Variants in NHEJ1 observed in about 807,000 individuals in gnomAD.
NHEJ1 encodes non-homologous end joining factor 1, also known as non-homologous end-joining factor 1.
NHEJ1 carries 22 observed loss-of-function variants against 39.4 expected under a neutral mutation model. The ratio of observed to expected loss-of-function variants is 0.56; its 90% CI spans 0.40 to 0.80. NHEJ1 has a LOEUF of 0.80. Among genes scored for constraint, NHEJ1 ranks in the 30% least tolerant of loss-of-function variants. The probability of loss-of-function intolerance (pLI) is 0.00; values close to 1 mark genes in which losing one functional copy is unlikely to be tolerated. For synonymous variants in NHEJ1, 154 were observed against 135.6 expected (o/e 1.14, Z -0.94); for missense variants, 329 against 357.1 (o/e 0.92, Z 0.63).
At chr2:219,127,920 C>A (rs765550012) in intron 5 of NHEJ1, among the ~76,000 whole-genome samples, 4 of 152,178 alleles carry the variant, frequency 2.6e-5, no homozygotes, top group Non-Finnish European at 4.4e-5. Flanking sequence ...AACCTTTAGT[C>A]CAATCTTCTA....
At chr2:219,101,277 G>C (rs1474531625) in intron 5 of NHEJ1, among the ~76,000 whole-genome samples, 1 of 152,078 alleles carries the variant, frequency 6.6e-6, no homozygotes, top group South Asian at 2.1e-4. Flanking sequence ...ACCACATCTA[G>C]CTAATTTTTG....
intron 4 of NHEJ1, among the ~76,000 whole-genome samples, 155 bp downstream of exon 4, chr2:219,147,502 G>A (rs1055680083): frequency 4.6e-5 from 7 of 152,128 alleles, no homozygotes; most frequent in African/African-American, 1.7e-4. Context: ...AAACAAAAAA[G>A]AGTCACCTAA....
rs191086282 is a variant in NHEJ1 at position 219,073,817 on chromosome 2, G to T, written c.*2564C>A. Among the ~76,000 whole-genome samples, 482 of 152,340 alleles carry T rather than the reference G, an allele frequency of 3.2e-3. 12 individuals are homozygous for T. The highest frequency in any genetic ancestry group is 0.026 in the Admixed American group (393 of 15,310). ...TGGGCCACTGCTTTATTAAACACAG[G>T]GAAAACTAATATTTACGGAATAAAA... On this transcript the variant is annotated 3_prime_UTR_variant, in exon 8 of 8. Coordinates refer to ENST00000356853, the MANE Select transcript of NHEJ1 (RefSeq NM_024782.3).
chr2:219,080,231 G>A (rs189829292), intron 5 of NHEJ1, among the ~76,000 whole-genome samples: 6 of 152,176 alleles, frequency 3.9e-5, no homozygotes, highest in East Asian at 1.9e-4. Context: ...TAGAATTGTC[G>A]AATACTTAAT....
At chr2:219,091,761 G>A (rs1949161786) in intron 5 of NHEJ1, among the ~76,000 whole-genome samples, 2 of 152,168 alleles carry the variant, frequency 1.3e-5, no homozygotes. Flanking sequence ...TCAAAGGATT[G>A]TTGAAAAAGC....
rs577845327 is a variant in NHEJ1 at position 219,075,029 on chromosome 2, G to A, written c.*1352C>T. On this transcript the variant is annotated 3_prime_UTR_variant, in exon 8 of 8. Transcript: ENST00000356853. ...CTATTGAAAAGAGGCAAGGTCATGG[G>A]ATAAGGAGGTTTACAGTGGGAGACT... Among the ~76,000 whole-genome samples the A allele has an allele frequency of 6.6e-6, 1 of 152,324 alleles. No individual in the cohort carries two copies. Among genetic ancestry groups the A allele is most frequent in the East Asian group, 1.9e-4 (1 of 5,182 alleles).
chr2:219,109,065 ATC>A (rs1251332316), intron 5 of NHEJ1, among the ~76,000 whole-genome samples: 1 of 152,228 alleles, frequency 6.6e-6, no homozygotes, highest in South Asian at 2.1e-4. Context: ...AGAGTGAGAT[ATC>A]TCTTTCTTTT....
At chr2:219,077,934 TACTGCAAAAGAGAAA>T in intron 6 of NHEJ1, 140 bp downstream of exon 6, 1 of 660,644 alleles carries the variant, frequency 1.5e-6, no homozygotes, top group Non-Finnish European at 2.7e-6. Flanking sequence ...GAAATGTGGC[TACTGCAAAAGAGAAA>T]ATGCATTTTT....
At chr2:219,084,392 C>T (rs955021773) in intron 5 of NHEJ1, among the ~76,000 whole-genome samples, 5 of 152,270 alleles carry the variant, frequency 3.3e-5, no homozygotes, top group East Asian at 1.9e-4. Flanking sequence ...TCTTCACTGG[C>T]GTCCCAAAGC....
intron 5 of NHEJ1, among the ~76,000 whole-genome samples, chr2:219,142,214 G>T (rs1033899700): frequency 2.4e-5 from 1 of 42,264 alleles, no homozygotes; most frequent in African/African-American, 4.3e-5. Context: ...CTGCAGGGAA[G>T]AGAAGAGAAG....
chr2:219,129,659 T>C (rs1414710783), intron 5 of NHEJ1, among the ~76,000 whole-genome samples: 1 of 152,196 alleles, frequency 6.6e-6, no homozygotes, highest in African/African-American at 2.4e-5. Context: ...GGAAACAGAA[T>C]AAGCAAAATA....
rs1949012925 is a variant in NHEJ1 at position 219,076,305 on chromosome 2, C to T, written c.*76G>A. On this transcript the variant is annotated 3_prime_UTR_variant, in exon 8 of 8. Transcript: ENST00000356853. ...TATCACTATTTTAGAAATATTGCTGCCATGTAAGCTTCTTTCAAGGTGAAG... is the reference window on the plus strand; with the variant it reads ...TATCACTATTTTAGAAATATTGCTGTCATGTAAGCTTCTTTCAAGGTGAAG... The T allele has an allele frequency of 6.2e-7, 1 of 1,613,344 alleles. No homozygotes were observed. Among genetic ancestry groups the T allele is most frequent in the Non-Finnish European group, 8.5e-7 (1 of 1,179,710 alleles).
rs528526428 is a variant in NHEJ1 at position 219,145,565 on chromosome 2, AC to A, written c.588+1114del. Among the ~76,000 whole-genome samples, 101 of 152,248 alleles carry A rather than the reference AC, an allele frequency of 6.6e-4. 1 individual carries two copies. The highest frequency in any genetic ancestry group is 1.2e-3 in the Non-Finnish European group (81 of 68,040). On this transcript the variant is annotated intron_variant, in intron 5 of 7. Transcript: ENST00000356853. The stretch of plus-strand genomic sequence containing the variant: ...CAATAAAGAAATACAAATAATCTAT[AC>A]ATAATACCAGATTATAATAGCATTA...
In NHEJ1 at chr2:219,119,745, A is replaced by G. The variant is rs1269298962; in HGVS notation, c.588+26935T>C. 2.0e-5 allele frequency among the ~76,000 whole-genome samples: 3 copies of G among 152,220 alleles called. No homozygotes were observed. The South Asian group carries it at 6.2e-4, about 32-fold the overall frequency. Reference sequence around the variant, plus strand: ...AGGAATTTAATCTAAGAGAAGAGAAACCATAATTTCTATTAAAGAGAGTAT... The same window carrying G: ...AGGAATTTAATCTAAGAGAAGAGAAGCCATAATTTCTATTAAAGAGAGTAT... On this transcript the variant is annotated intron_variant, in intron 5 of 7. Coordinates refer to ENST00000356853, the MANE Select transcript of NHEJ1 (RefSeq NM_024782.3).
At chr2:219,103,446 T>C (rs1188831796) in intron 5 of NHEJ1, among the ~76,000 whole-genome samples, 2 of 151,866 alleles carry the variant, frequency 1.3e-5, no homozygotes, top group Non-Finnish European at 2.9e-5. Context: ...TGGCTAATTT[T>C]TGTATTTTTA....
intron 5 of NHEJ1, among the ~76,000 whole-genome samples, chr2:219,121,686 C>T (rs963889845): frequency 2.6e-5 from 4 of 151,754 alleles, no homozygotes; most frequent in African/African-American, 9.7e-5. Flanking sequence ...ACTAAAAATA[C>T]AAAAAATCAG....
At chr2:219,136,627 G>T (rs564294435) in intron 5 of NHEJ1, among the ~76,000 whole-genome samples, 5 of 150,960 alleles carry the variant, frequency 3.3e-5, no homozygotes, top group Admixed American at 1.3e-4. Context: ...CTTTGAGATG[G>T]AGTCTTGCTC....
Position 219,076,229 on chromosome 2 carries a change from C to G in NHEJ1, c.*152G>C, listed in dbSNP as rs565252364. 9.2e-6 allele frequency: 14 copies of G among 1,518,956 alleles called. No homozygotes were observed. In the South Asian group the frequency reaches 1.7e-4, roughly 19 times the overall value. The allele number at this position is 1,518,956 out of a possible 1,614,324, so 94.1% of individuals were successfully genotyped here. ...ACAGGGAAGGCCAATTCCCTGTGGG[C>G]CTGTCAACATCAACTTCAGTTCTCT... On this transcript the variant is annotated 3_prime_UTR_variant, in exon 8 of 8. Coordinates refer to ENST00000356853, the MANE Select transcript of NHEJ1 (RefSeq NM_024782.3).
chr2:219,152,790 TTTATTTATTTA>T (rs1949809949), intron 3 of NHEJ1, among the ~76,000 whole-genome samples: 1 of 10,134 alleles, frequency 9.9e-5, no homozygotes, highest in Non-Finnish European at 7.7e-4. Context: ...TTTATTTATT[TTTATTTATTTA>T]TTTATTTATT....
Sources: allele counts gnomAD v4.1 joint callset (sites outside exome capture counted in the v4.1 genomes callset), GRCh38; gene constraint gnomAD v4.1.1; transcripts MANE v1.5; gene names NCBI Gene and HGNC (gene_info 2026-07-23, HGNC 2026-07-21).